Variants in STPG2 observed in about 807,000 individuals in gnomAD.
STPG2 encodes the protein sperm tail PG-rich repeat containing 2.
In STPG2, 56 loss-of-function variants were observed where a neutral mutation model predicts 54.2. The observed-to-expected ratio is 1.03, with a 90% CI of 0.83 to 1.29. The LOEUF (loss-of-function observed/expected upper bound fraction) is 1.29. Ranked by LOEUF, STPG2 falls within the 50% of genes most tolerant of loss-of-function variation. The probability of loss-of-function intolerance (pLI) is 0.00; values close to 1 mark genes in which losing one functional copy is unlikely to be tolerated. For synonymous variants in STPG2, 200 were observed against 181.8 expected (o/e 1.10, Z -0.81); for missense variants, 596 against 544.9 (o/e 1.09, Z -0.93).
intron 4 of STPG2, among the ~76,000 whole-genome samples, chr4:97,479,268 A>C (rs1315619549): frequency 2.6e-5 from 4 of 151,924 alleles, no homozygotes; most frequent in African/African-American, 9.7e-5. Flanking sequence ...GTGTGGGTCT[A>C]TATATGCATA....
At chr4:97,688,713 C>A (rs1342965463) in intron 10 of STPG2, among the ~76,000 whole-genome samples, 2 of 151,896 alleles carry the variant, frequency 1.3e-5, no homozygotes, top group Non-Finnish European at 2.9e-5. Flanking sequence ...TTTCAGCAGT[C>A]AAATGAAATT....
At chr4:98,036,889 A>T (rs1245275760) in intron 5 of STPG2, among the ~76,000 whole-genome samples, 1 of 152,134 alleles carries the variant, frequency 6.6e-6, no homozygotes, top group African/African-American at 2.4e-5. Context: ...CTAAAAATAT[A>T]GTTTTCTTAG....
intron 7 of STPG2, among the ~76,000 whole-genome samples, chr4:97,964,321 G>C (rs896852729): frequency 6.6e-6 from 1 of 152,164 alleles, no homozygotes; most frequent in Non-Finnish European, 1.5e-5. Flanking sequence ...ATAATGAGCA[G>C]TAAGCACACC....
chr4:97,541,139 G>A (rs1010894420), intron 4 of STPG2, among the ~76,000 whole-genome samples: 1 of 152,092 alleles, frequency 6.6e-6, no homozygotes, highest in Non-Finnish European at 1.5e-5. Context: ...GCAGGAGAAG[G>A]AAATAAAGGG....
At chr4:97,771,489 G>A (rs2149062739) in intron 9 of STPG2, among the ~76,000 whole-genome samples, 1 of 152,252 alleles carries the variant, frequency 6.6e-6, no homozygotes, top group Admixed American at 6.5e-5. Flanking sequence ...CTGGTCTGTA[G>A]TTGGTGGGCA....
chr4:97,757,539 T>C (rs1314241754), intron 9 of STPG2, among the ~76,000 whole-genome samples: 1 of 152,144 alleles, frequency 6.6e-6, no homozygotes, highest in African/African-American at 2.4e-5. Context: ...CATTCCAGAA[T>C]TGAATGAATT....
intron 8 of STPG2, among the ~76,000 whole-genome samples, chr4:97,876,436 T>G (rs1042151039): frequency 1.3e-5 from 2 of 152,064 alleles, no homozygotes; most frequent in African/African-American, 4.8e-5. Context: ...CTTAAAAGCA[T>G]ATTTATAGAA....
chr4:97,861,359 T>C (rs551821338), intron 8 of STPG2, among the ~76,000 whole-genome samples: 100 of 152,168 alleles, frequency 6.6e-4, no homozygotes, highest in Non-Finnish European at 1.1e-3. Context: ...CTGGCAATGA[T>C]GCAGAGAAAA....
intron 5 of STPG2, among the ~76,000 whole-genome samples, chr4:97,993,345 T>C (rs1735082057): frequency 6.6e-6 from 1 of 152,166 alleles, no homozygotes; most frequent in African/African-American, 2.4e-5. Context: ...GATGATCAAG[T>C]GATTTTTAAT....
chr4:98,128,935 T>C (rs1193239604), intron 2 of STPG2, among the ~76,000 whole-genome samples: 1 of 152,088 alleles, frequency 6.6e-6, no homozygotes, highest in Non-Finnish European at 1.5e-5. Flanking sequence ...GGTTTTACCA[T>C]GTTGGCCAGG....
Position 98,134,359 on chromosome 4 carries a change from A to G in STPG2, c.210T>C (p.Val70=). The G allele has an allele frequency of 6.5e-7, 1 of 1,546,198 alleles. No homozygotes were observed. Among genetic ancestry groups the G allele is most frequent in the Non-Finnish European group, 8.7e-7 (1 of 1,143,630 alleles). Residue 70 remains valine, a synonymous_variant, in exon 2 of 11, where the codon GTT becomes GTC. Coordinates refer to ENST00000295268, the MANE Select transcript of STPG2 (RefSeq NM_174952.3). ...ACTATAAAGTTACCTGTGCTTCTGAAACATTATAGTGTCCTGGACCTGGAA... is the reference window on the plus strand; with the variant it reads ...ACTATAAAGTTACCTGTGCTTCTGAGACATTATAGTGTCCTGGACCTGGAA... ...KAVPGPGHYN[V]SEAQKISRSP... is the part of the protein sequence containing the mutation.
intron 8 of STPG2, among the ~76,000 whole-genome samples, chr4:97,931,034 A>G (rs947802557): frequency 9.9e-5 from 15 of 152,134 alleles, no homozygotes; most frequent in African/African-American, 3.4e-4. Flanking sequence ...GATTGATGTT[A>G]TATCCTTAAA....
chr4:97,642,995 A>C (rs1320997111), intron 10 of STPG2, among the ~76,000 whole-genome samples: 1 of 151,548 alleles, frequency 6.6e-6, no homozygotes, highest in African/African-American at 2.4e-5. Flanking sequence ...CCAGAATACT[A>C]ATAAATATCT....
chr4:97,741,818 G>A (rs1725247388), intron 9 of STPG2, among the ~76,000 whole-genome samples: 1 of 151,962 alleles, frequency 6.6e-6, no homozygotes, highest in Non-Finnish European at 1.5e-5. Flanking sequence ...ATTCCTCAGG[G>A]ATCTAGAACT....
chr4:97,811,055 A>C (rs1350433826), intron 9 of STPG2, among the ~76,000 whole-genome samples: 2 of 152,156 alleles, frequency 1.3e-5, no homozygotes. Context: ...TCTGTTAAGC[A>C]GTGGGGGCCC....
At chr4:97,892,024 C>G (rs1730790989) in intron 8 of STPG2, among the ~76,000 whole-genome samples, 1 of 152,076 alleles carries the variant, frequency 6.6e-6, no homozygotes, top group Non-Finnish European at 1.5e-5. Context: ...GTGCTCCTCA[C>G]TGCCAGAAGT....
At chr4:98,073,755 T>C (rs1242368016) in intron 5 of STPG2, among the ~76,000 whole-genome samples, 1 of 151,950 alleles carries the variant, frequency 6.6e-6, no homozygotes, top group African/African-American at 2.4e-5. Context: ...ATAATAATAA[T>C]AAAATTAAGG....
intron 10 of STPG2, among the ~76,000 whole-genome samples, chr4:97,636,052 C>G (rs1578442505): frequency 2.0e-5 from 3 of 152,150 alleles, no homozygotes; most frequent in East Asian, 3.9e-4. Flanking sequence ...TTTTCAGCAC[C>G]ACATCACACC....
intron 8 of STPG2, among the ~76,000 whole-genome samples, chr4:97,871,231 T>C (rs1421930086): frequency 6.6e-6 from 1 of 150,566 alleles, no homozygotes; most frequent in Non-Finnish European, 1.5e-5. Flanking sequence ...ATATAAAAGA[T>C]GTAGGAAAAT....
Sources: allele counts gnomAD v4.1 joint callset (sites outside exome capture counted in the v4.1 genomes callset), GRCh38; gene constraint gnomAD v4.1.1; transcripts MANE v1.5; gene names NCBI Gene and HGNC (gene_info 2026-07-23, HGNC 2026-07-21).